The following BMPER variants were observed in gnomAD, a reference collection of about 807,000 sequenced individuals.
The protein encoded by BMPER is BMP-binding endothelial regulator protein.
A neutral mutation model predicts 87.3 loss-of-function variants in BMPER; 45 were observed. The observed-to-expected ratio is 0.52, with a 90% CI of 0.41 to 0.66. The LOEUF is 0.66. Among genes scored for constraint, BMPER ranks in the 30% least tolerant of loss-of-function variants. The pLI is 0.00. For missense variants in BMPER, 784 were observed against 867.5 expected (o/e 0.90, Z 1.21); for synonymous variants, 326 against 316.2 (o/e 1.03, Z -0.33).
chr7:34,128,206 G>A (rs1483933527), intron 13 of BMPER, among the ~76,000 whole-genome samples: 1 of 152,034 alleles, frequency 6.6e-6, no homozygotes, highest in Non-Finnish European at 1.5e-5. Context: ...CTTTGCCTGG[G>A]TAAAACTTAT....
At chr7:33,999,171 A>C (rs1411901326) in intron 6 of BMPER, among the ~76,000 whole-genome samples, 1 of 152,256 alleles carries the variant, frequency 6.6e-6, no homozygotes, top group Non-Finnish European at 1.5e-5. Flanking sequence ...GTCAAAATTC[A>C]AAATGGCAGT....
intron 2 of BMPER, among the ~76,000 whole-genome samples, chr7:33,909,144 T>G (rs983057465): frequency 6.6e-6 from 1 of 152,234 alleles, no homozygotes; most frequent in Non-Finnish European, 1.5e-5. Flanking sequence ...CTGCATTATT[T>G]CATTTAATCT....
At chr7:33,968,235 G>A (rs919407643) in intron 4 of BMPER, among the ~76,000 whole-genome samples, 3 of 152,150 alleles carry the variant, frequency 2.0e-5, no homozygotes, top group East Asian at 3.9e-4. Flanking sequence ...AACCTTGCCT[G>A]TGCCCTGCTA....
chr7:34,042,540 C>G (rs1188262154), intron 6 of BMPER: 3 of 152,090 alleles, frequency 2.0e-5, no homozygotes, highest in African/African-American at 7.2e-5. Flanking sequence ...ACAAACAGTA[C>G]CTAAAATGTG....
chr7:34,050,415 T>C (rs755604382), intron 7 of BMPER, among the ~76,000 whole-genome samples: 5 of 152,136 alleles, frequency 3.3e-5, no homozygotes, highest in Non-Finnish European at 7.4e-5. Flanking sequence ...AGTTTGCTCT[T>C]GGTGGTGAGA....
intron 12 of BMPER, among the ~76,000 whole-genome samples, chr7:34,080,927 TAG>T (rs1789027193): frequency 6.6e-6 from 1 of 152,174 alleles, no homozygotes; most frequent in South Asian, 2.1e-4. Flanking sequence ...AGAATAATAA[TAG>T]ATCATAAATG....
intron 12 of BMPER, among the ~76,000 whole-genome samples, chr7:34,081,526 C>T (rs1358834315): frequency 6.6e-6 from 1 of 152,212 alleles, no homozygotes; most frequent in Admixed American, 6.5e-5. Flanking sequence ...AGTTGCGTAG[C>T]TAATATAAAA....
At chr7:34,145,542 G>A (rs1336727315) in intron 14 of BMPER, among the ~76,000 whole-genome samples, 1 of 152,224 alleles carries the variant, frequency 6.6e-6, no homozygotes, top group Non-Finnish European at 1.5e-5. Flanking sequence ...GAATATGTGA[G>A]GGTGAGGTTT....
intron 11 of BMPER, among the ~76,000 whole-genome samples, chr7:34,062,572 T>A (rs564298322): frequency 1.3e-5 from 2 of 151,934 alleles, no homozygotes; most frequent in East Asian, 3.9e-4. Context: ...CCTATTATAG[T>A]CATGGGTCAC....
chr7:34,063,710 C>A (rs556212786), intron 11 of BMPER, among the ~76,000 whole-genome samples: 15 of 152,286 alleles, frequency 9.8e-5, no homozygotes, highest in Admixed American at 7.8e-4. Flanking sequence ...CTTCCAGAAA[C>A]CCTGAGGAAA....
chr7:34,115,293 T>C (rs1562753485), intron 13 of BMPER, among the ~76,000 whole-genome samples: 1 of 152,250 alleles, frequency 6.6e-6, no homozygotes, highest in Non-Finnish European at 1.5e-5. Flanking sequence ...GAGACAATAA[T>C]CATGGCATTG....
At chr7:33,966,754 A>T (rs1206928697) in intron 4 of BMPER, among the ~76,000 whole-genome samples, 193 bp downstream of exon 4, 1 of 152,226 alleles carries the variant, frequency 6.6e-6, no homozygotes, top group Non-Finnish European at 1.5e-5. Flanking sequence ...GATATTGTGT[A>T]GAACTTGCTT....
intron 8 of BMPER, among the ~76,000 whole-genome samples, chr7:34,053,176 CTG>C (rs1183869391): frequency 6.6e-6 from 1 of 152,188 alleles, no homozygotes; most frequent in Non-Finnish European, 1.5e-5. Context: ...TAATACGTCT[CTG>C]TGCGTAGCAG....
At chr7:34,128,033 C>A (rs766931407) in intron 13 of BMPER, among the ~76,000 whole-genome samples, 5 of 152,168 alleles carry the variant, frequency 3.3e-5, no homozygotes, top group Non-Finnish European at 7.3e-5. Flanking sequence ...CATAGTTTGG[C>A]ATACAAGGAA....
At chr7:34,151,256 G>A (rs974962466) in intron 14 of BMPER, among the ~76,000 whole-genome samples, 1 of 152,156 alleles carries the variant, frequency 6.6e-6, no homozygotes, top group African/African-American at 2.4e-5. Context: ...TTTCATAACA[G>A]CTTTATTTAG....
chr7:34,071,044 C>A (rs1441770587), intron 11 of BMPER, among the ~76,000 whole-genome samples: 2 of 152,138 alleles, frequency 1.3e-5, no homozygotes, highest in Non-Finnish European at 2.9e-5. Context: ...CTTGTATAAG[C>A]TGCCCTCTTA....
chr7:33,925,495 T>G (rs950960779), intron 2 of BMPER, among the ~76,000 whole-genome samples: 1 of 152,186 alleles, frequency 6.6e-6, no homozygotes, highest in Non-Finnish European at 1.5e-5. Flanking sequence ...TATAGAAAAC[T>G]GGTTTTTAAA....
chr7:33,937,711 CAT>C (rs59895211), intron 3 of BMPER, among the ~76,000 whole-genome samples: 50,399 of 151,868 alleles, frequency 0.33, 8,502 homozygotes, highest in African/African-American at 0.39. Context: ...TACACACACA[CAT>C]GAGCATATTT....
intron 3 of BMPER, chr7:33,940,165 G>A (rs1037446175): frequency 3.7e-5 from 6 of 161,638 alleles, no homozygotes; most frequent in African/African-American, 1.2e-4. Context: ...ATTTATTTCT[G>A]TATTTTCCCA....
Sources: gnomAD v4.1 joint callset for allele counts (sites outside exome capture counted in the v4.1 genomes callset) on GRCh38, gnomAD v4.1.1 for gene constraint, MANE v1.5 for transcripts, NCBI Gene and HGNC (gene_info 2026-07-23, HGNC 2026-07-21) for gene names.